VEPH1: variants seen among roughly 807,000 people sequenced by gnomAD.
VEPH1 encodes the protein ventricular zone expressed PH domain containing 1, also known as ventricular zone-expressed PH domain-containing protein homolog 1.
VEPH1 carries 80 observed loss-of-function variants against 85.2 expected under a neutral mutation model. That is an observed-to-expected ratio of 0.94 (90% CI 0.78 to 1.13). The LOEUF is 1.13. Among genes scored for constraint, VEPH1 ranks in the 50% most tolerant of loss-of-function variants. VEPH1 has a pLI of 0.00. For synonymous variants in VEPH1, 297 were observed against 348.0 expected (o/e 0.85, Z 1.63); for missense variants, 955 against 980.5 (o/e 0.97, Z 0.35).
chr3:157,441,956 A>G (rs1734155234), intron 4 of VEPH1, among the ~76,000 whole-genome samples: 1 of 152,218 alleles, frequency 6.6e-6, no homozygotes, highest in Non-Finnish European at 1.5e-5. Flanking sequence ...TGGCAAAAAG[A>G]GAGAACCAGG....
At chr3:157,309,267 A>G (rs1263551652) in intron 11 of VEPH1, among the ~76,000 whole-genome samples, 1 of 152,236 alleles carries the variant, frequency 6.6e-6, no homozygotes, top group Non-Finnish European at 1.5e-5. Context: ...TTCTGGTTTT[A>G]TTTCAGTATT....
chr3:157,263,669 C>T (rs981946193), intron 13 of VEPH1, among the ~76,000 whole-genome samples: 7 of 152,142 alleles, frequency 4.6e-5, no homozygotes, highest in Non-Finnish European at 7.3e-5. Flanking sequence ...TATGTTATAA[C>T]ACACACAGAT....
intron 11 of VEPH1, among the ~76,000 whole-genome samples, chr3:157,289,275 T>C (rs1345320381): frequency 4.6e-5 from 7 of 152,212 alleles, no homozygotes; most frequent in African/African-American, 1.4e-4. Flanking sequence ...GGTTCCTTTA[T>C]TTTTCCTGTT....
intron 2 of VEPH1, among the ~76,000 whole-genome samples, chr3:157,471,442 A>T (rs903633417): frequency 6.6e-6 from 1 of 152,332 alleles, no homozygotes; most frequent in South Asian, 2.1e-4. Flanking sequence ...CAAAATAGGT[A>T]CTGTTGAACT....
chr3:157,463,436 G>T (rs1050338028), intron 3 of VEPH1, among the ~76,000 whole-genome samples: 6 of 152,036 alleles, frequency 3.9e-5, no homozygotes, highest in African/African-American at 1.2e-4. Flanking sequence ...TTAACATCAC[G>T]GAAGTATCAG....
intron 6 of VEPH1, among the ~76,000 whole-genome samples, chr3:157,396,393 G>T (rs968230886): frequency 3.9e-5 from 6 of 152,156 alleles, no homozygotes. Flanking sequence ...TAGTGCTGCA[G>T]TGAACATCCT....
At chr3:157,363,249 G>C in intron 9 of VEPH1, 115 bp downstream of exon 9, 1 of 798,664 alleles carries the variant, frequency 1.3e-6, no homozygotes, top group Non-Finnish European at 1.9e-6. Flanking sequence ...TAAAAAAAAT[G>C]ATCTATTTTG....
intron 4 of VEPH1, chr3:157,459,864 A>G: frequency 1.3e-6 from 2 of 1,537,084 alleles, no homozygotes; most frequent in Non-Finnish European, 8.7e-7. Context: ...GTACACAGAG[A>G]TAAGATCTCC....
At chr3:157,418,327 C>T (rs920860625) in intron 5 of VEPH1, among the ~76,000 whole-genome samples, 2 of 152,152 alleles carry the variant, frequency 1.3e-5, no homozygotes, top group African/African-American at 2.4e-5. Context: ...AGTCTATTCA[C>T]GAGTTTGGCA....
At chr3:157,390,994 C>T (rs1729803998) in intron 6 of VEPH1, among the ~76,000 whole-genome samples, 1 of 152,248 alleles carries the variant, frequency 6.6e-6, no homozygotes, top group Non-Finnish European at 1.5e-5. Flanking sequence ...GGTCCAGCCA[C>T]AGCCTTGCAT....
intron 5 of VEPH1, among the ~76,000 whole-genome samples, chr3:157,420,803 G>C (rs1030568992): frequency 6.6e-6 from 1 of 152,182 alleles, no homozygotes; most frequent in South Asian, 2.1e-4. Flanking sequence ...TCACCGGAAG[G>C]CTTCCCTTGC....
intron 11 of VEPH1, among the ~76,000 whole-genome samples, chr3:157,311,370 A>T (rs541177522): frequency 1.3e-5 from 2 of 152,312 alleles, no homozygotes; most frequent in Non-Finnish European, 2.9e-5. Flanking sequence ...TCTCTTTCAA[A>T]TCACTAATGT....
At chr3:157,369,601 G>C (rs1356227225) in intron 7 of VEPH1, among the ~76,000 whole-genome samples, 1 of 152,132 alleles carries the variant, frequency 6.6e-6, no homozygotes, top group East Asian at 1.9e-4. Flanking sequence ...ATCCACCTGG[G>C]CATGCCACAG....
rs1264793586 is a variant in VEPH1 at position 157,364,503 on chromosome 3, G to A, written c.1137C>T (p.Ile379=). Residue 379 remains isoleucine, a synonymous_variant, in exon 8 of 14, where the codon ATC becomes ATT. Coordinates refer to ENST00000362010, the MANE Select transcript of VEPH1 (RefSeq NM_001167912.2). ...TCTCAGGGAATTCAATTTCAGTGCTGATTTTTCTCCTAAAGGAATATAAAT... is the reference window on the plus strand; with the variant it reads ...TCTCAGGGAATTCAATTTCAGTGCTAATTTTTCTCCTAAAGGAATATAAAT... ...NTKAGSGRRK[I]STEIEFPEKL... is the part of the protein sequence containing the mutation. The A allele has an allele frequency of 6.2e-7, 1 of 1,613,502 alleles. No homozygotes were observed. Among genetic ancestry groups the A allele is most frequent in the East Asian group, 2.2e-5 (1 of 44,824 alleles).
intron 2 of VEPH1, among the ~76,000 whole-genome samples, chr3:157,489,848 G>C (rs1739059541): frequency 6.6e-6 from 1 of 151,916 alleles, no homozygotes; most frequent in South Asian, 2.1e-4. Context: ...ATTAGTAAGA[G>C]AGTTGAGTGA....
intron 12 of VEPH1, 192 bp downstream of exon 12, chr3:157,286,365 C>A: frequency 1.6e-6 from 1 of 620,008 alleles, no homozygotes. Flanking sequence ...TCTCTGCCTC[C>A]CAAAGTTTTC....
Position 157,334,082 on chromosome 3 carries a change from G to A in VEPH1, c.1736-16881C>T, listed in dbSNP as rs529803326. 2.0e-5 allele frequency among the ~76,000 whole-genome samples: 3 copies of A among 152,274 alleles called. No homozygotes were observed. In the East Asian group the frequency reaches 5.8e-4, roughly 29 times the overall value. On this transcript the variant is annotated intron_variant, in intron 9 of 13. Coordinates refer to ENST00000362010, the MANE Select transcript of VEPH1 (RefSeq NM_001167912.2). ...TCCACATAGTGTATATCAACTCCAC[G>A]TAGTGTGTATCAAACTCATTGACGC...
chr3:157,277,104 T>A (rs912067244), intron 12 of VEPH1, among the ~76,000 whole-genome samples: 1 of 152,202 alleles, frequency 6.6e-6, no homozygotes, highest in Non-Finnish European at 1.5e-5. Context: ...TTGCTTAAGC[T>A]GATCTCCAAC....
intron 11 of VEPH1, among the ~76,000 whole-genome samples, chr3:157,288,297 A>T (rs984098138): frequency 6.6e-6 from 1 of 152,108 alleles, no homozygotes; most frequent in Non-Finnish European, 1.5e-5. Context: ...ACACACTCTT[A>T]TCTTCTCTCT....
Sources: gnomAD v4.1 joint callset for allele counts (sites outside exome capture counted in the v4.1 genomes callset) on GRCh38, gnomAD v4.1.1 for gene constraint, MANE v1.5 for transcripts, NCBI Gene and HGNC (gene_info 2026-07-23, HGNC 2026-07-21) for gene names.